The following IGF2R variants were observed in gnomAD, a reference collection of about 807,000 sequenced individuals.
IGF2R encodes the protein cation-independent mannose-6-phosphate receptor.
In IGF2R, 91 loss-of-function variants were observed where a neutral mutation model predicts 270.6. The ratio of observed to expected loss-of-function variants is 0.34; its 90% CI spans 0.28 to 0.40. The LOEUF (loss-of-function observed/expected upper bound fraction) is 0.40, where lower values mean the gene tolerates loss of function less well. Among genes scored for constraint, IGF2R ranks in the 10% least tolerant of loss-of-function variants. IGF2R has a pLI of 1.00. For missense variants in IGF2R, 2,805 were observed against 3,188.3 expected (o/e 0.88, Z 2.90); for synonymous variants, 1,316 against 1,258.9 (o/e 1.05, Z -0.96).
At chr6:160,032,028 G>C (rs1777708837) in intron 7 of IGF2R, among the ~76,000 whole-genome samples, 1 of 152,148 alleles carries the variant, frequency 6.6e-6, no homozygotes. Flanking sequence ...GCAGGTGTGG[G>C]TACAGATATG....
At chr6:159,978,471 G>A (rs1783728195) in intron 1 of IGF2R, among the ~76,000 whole-genome samples, 1 of 152,118 alleles carries the variant, frequency 6.6e-6, no homozygotes, top group Non-Finnish European at 1.5e-5. Context: ...TTTCCCTGTG[G>A]TAGGATCAGG....
At chr6:160,073,677 C>G in intron 34 of IGF2R, 80 bp from the exon 35 acceptor site, 2 of 1,268,448 alleles carry the variant, frequency 1.6e-6, no homozygotes, top group Non-Finnish European at 2.2e-6. Context: ...TGTTATTCAG[C>G]TTTTAAATTC....
At chr6:160,024,317 G>C (rs9456498) in intron 4 of IGF2R, among the ~76,000 whole-genome samples, 17,751 of 152,174 alleles carry the variant, frequency 0.12, 1,179 homozygotes, top group South Asian at 0.25. Context: ...CGATCCAGTG[G>C]AGAGGGAAAA....
chr6:160,107,395 T>A lies in IGF2R; in HGVS notation c.*2311T>A, dbSNP rs1315533565. On this transcript the variant is annotated 3_prime_UTR_variant, in exon 48 of 48. Coordinates refer to ENST00000356956, the MANE Select transcript of IGF2R (RefSeq NM_000876.4). The stretch of plus-strand genomic sequence containing the variant: ...GTCGCTGTCAGTGGGGAAGGAGAAG[T>A]GACAACACGTTTGAGTGCATTTGCT... 6.6e-6 allele frequency: 1 copy of A among 152,250 alleles called. No individual in the cohort carries two copies. Among genetic ancestry groups the A allele is most frequent in the Admixed American group, 6.5e-5 (1 of 15,284 alleles). The allele number at this position is 152,250 out of a possible 1,614,324, so 9.4% of individuals were successfully genotyped here.
At chr6:160,083,866 T>C (rs1003017186) in intron 39 of IGF2R, 84 bp from the exon 40 acceptor site, 1 of 964,972 alleles carries the variant, frequency 1.0e-6, no homozygotes, top group Non-Finnish European at 1.7e-6. Context: ...CAGGGCTTTT[T>C]CAAAATGGAG....
At chr6:160,101,591 C>A (rs993005500) in intron 45 of IGF2R, among the ~76,000 whole-genome samples, 1 of 152,280 alleles carries the variant, frequency 6.6e-6, no homozygotes, top group Non-Finnish European at 1.5e-5. Flanking sequence ...CCGGCATCTT[C>A]AGCAGCACAA....
At chr6:160,066,942 C>G (rs760309936) in intron 29 of IGF2R, among the ~76,000 whole-genome samples, 1 of 152,188 alleles carries the variant, frequency 6.6e-6, no homozygotes, top group Non-Finnish European at 1.5e-5. Context: ...ACTGCAGCTG[C>G]CACTCCGAGG....
At chr6:160,089,322 C>T in intron 43 of IGF2R, 69 bp downstream of exon 43, 1 of 1,420,182 alleles carries the variant, frequency 7.0e-7, no homozygotes. Flanking sequence ...CCGCTCTTTC[C>T]CTATCGGGGA....
chr6:160,012,763 A>T (rs866804209), intron 4 of IGF2R, among the ~76,000 whole-genome samples: 2,584 of 127,916 alleles, frequency 0.02, 132 homozygotes, highest in African/African-American at 0.072. Flanking sequence ...ATATATATAT[A>T]TTTTTTTTTT....
chr6:160,036,242 C>T (rs1777821425), intron 10 of IGF2R, among the ~76,000 whole-genome samples: 1 of 152,132 alleles, frequency 6.6e-6, no homozygotes, highest in African/African-American at 2.4e-5. Context: ...TGAGCACTCC[C>T]TGCACCCCTC....
intron 6 of IGF2R, among the ~76,000 whole-genome samples, chr6:160,029,259 C>T (rs62440154): frequency 5.9e-5 from 9 of 152,286 alleles, no homozygotes; most frequent in Admixed American, 2.0e-4. Context: ...GGATTACAGG[C>T]GTGAGCCATC....
chr6:160,075,569 C>G (rs191683179), intron 35 of IGF2R, among the ~76,000 whole-genome samples: 165 of 152,312 alleles, frequency 1.1e-3, no homozygotes, highest in African/African-American at 3.9e-3. Context: ...TGGAGAGATT[C>G]CTATTGCTTA....
chr6:160,037,401 G>T (rs1340102038), intron 10 of IGF2R, among the ~76,000 whole-genome samples: 4 of 152,134 alleles, frequency 2.6e-5, no homozygotes, highest in African/African-American at 9.7e-5. Flanking sequence ...TATTTTGCTC[G>T]AATTTAAACT....
At chr6:160,032,734 T>TC (rs774529823) in intron 8 of IGF2R, 21 bp downstream of exon 8, 1 of 1,611,204 alleles carries the variant, frequency 6.2e-7, no homozygotes, top group Admixed American at 1.7e-5. Flanking sequence ...GCTTTCTGCC[T>TC]CCTGGCGCTG....
At chr6:160,041,975 C>A (rs926244476) in intron 11 of IGF2R, among the ~76,000 whole-genome samples, 17 of 150,764 alleles carry the variant, frequency 1.1e-4, no homozygotes, top group African/African-American at 3.9e-4. Context: ...CTGGGTGGTG[C>A]TGTTAGATTC....
rs1338890076 is a variant in IGF2R, at chr6:160,058,132, C to T, written c.2898+8C>T. ...ATTGGGAAGATTTTTATGGTAAGAG[C>T]GATATGATGCATTTCCAGTTTGCTT... On this transcript the variant is annotated splice_region_variant and intron_variant, in intron 21 of 47. Coordinates refer to ENST00000356956, the MANE Select transcript of IGF2R (RefSeq NM_000876.4). 1.3e-6 allele frequency: 2 copies of T among 1,551,248 alleles called. No individual in the cohort carries two copies. The highest frequency in any genetic ancestry group is 1.4e-5 in the African/African-American group (1 of 73,708).
intron 4 of IGF2R, among the ~76,000 whole-genome samples, chr6:160,024,348 G>A (rs764371732): frequency 1.8e-4 from 28 of 152,174 alleles, no homozygotes; most frequent in Non-Finnish European, 3.8e-4. Flanking sequence ...TAAAGTGAGA[G>A]GAGATGATTG....
rs10945647 is a variant in IGF2R at position 160,006,479 on chromosome 6, A to T, written c.290-2531A>T. 31,580 of 151,656 alleles carry T rather than the reference A, an allele frequency of 0.21. 3,973 individuals are homozygous for T. Among genetic ancestry groups the T allele is most frequent in the East Asian group, 0.57 (2,928 of 5,158 alleles). 9.4% of individuals were successfully genotyped at this position (151,656 alleles called of 1,614,324 possible). The stretch of plus-strand genomic sequence containing the variant: ...CGCGGGAGCTGTCCACGAGGCACTG[A>T]CCTTGGTTTCAGAGCCTCTGCAGGG... On this transcript the variant is annotated intron_variant, in intron 2 of 47. Coordinates refer to ENST00000356956, the MANE Select transcript of IGF2R (RefSeq NM_000876.4).
chr6:160,056,796 A>G (rs1778326603), intron 20 of IGF2R, among the ~76,000 whole-genome samples: 1 of 152,142 alleles, frequency 6.6e-6, no homozygotes, highest in Non-Finnish European at 1.5e-5. Flanking sequence ...TCCATGTGGC[A>G]GTGGTATCCT....
Sources: gnomAD v4.1 joint callset for allele counts (sites outside exome capture counted in the v4.1 genomes callset) on GRCh38, gnomAD v4.1.1 for gene constraint, MANE v1.5 for transcripts, NCBI Gene and HGNC (gene_info 2026-07-23, HGNC 2026-07-21) for gene names.